The following LPCAT1 variants were observed in gnomAD, a reference collection of about 807,000 sequenced individuals.
LPCAT1 encodes the protein 1-acylglycerol-3-phosphate O-acyltransferase.
Under a neutral mutation model 60.9 loss-of-function variants are expected in LPCAT1, and 23 were observed. The observed-to-expected ratio is 0.38, with a 90% CI of 0.27 to 0.53. The LOEUF is 0.53. LPCAT1 is among the 20% of genes least tolerant of loss of function. The probability of loss-of-function intolerance (pLI) is 0.82; values close to 1 mark genes in which losing one functional copy is unlikely to be tolerated. For synonymous variants in LPCAT1, 340 were observed against 301.1 expected, an observed-to-expected ratio of 1.13 and a Z score of -1.34; for missense variants, 622 against 723.6, an observed-to-expected ratio of 0.86 and a Z score of 1.61.
At chr5:1,489,668 G>T in intron 4 of LPCAT1, 78 bp downstream of exon 4, 1 of 1,088,172 alleles carries the variant, frequency 9.2e-7, no homozygotes, top group Non-Finnish European at 1.4e-6. Flanking sequence ...AAGGGCCCCA[G>T]TTTCTTTCTC....
chr5:1,506,650 G>A (rs1320506645), intron 1 of LPCAT1, among the ~76,000 whole-genome samples: 1 of 152,240 alleles, frequency 6.6e-6, no homozygotes, highest in Admixed American at 6.5e-5. Context: ...GTGCTGGGTA[G>A]GCAAAGAAAT....
intron 13 of LPCAT1, among the ~76,000 whole-genome samples, chr5:1,465,394 G>A (rs1008618283): frequency 7.8e-5 from 11 of 141,646 alleles, no homozygotes; most frequent in Non-Finnish European, 1.4e-4. Context: ...ACACACATGC[G>A]CATGCACACA....
In LPCAT1 at chr5:1,521,463, T is replaced by C. The variant is rs1736675171; in HGVS notation, c.135+2247A>G. The C allele has an allele frequency of 1.0e-6, 1 of 985,284 alleles. No individual in the cohort carries two copies. The highest frequency in any genetic ancestry group is 1.2e-6 in the Non-Finnish European group (1 of 829,878). 61.0% of individuals were successfully genotyped at this position (985,284 alleles called of 1,614,324 possible). On this transcript the variant is annotated intron_variant, in intron 1 of 13. Coordinates refer to ENST00000283415, the MANE Select transcript of LPCAT1 (RefSeq NM_024830.5). This position sits in a 1 kb window ranked among gnomAD's most constrained non-coding sequence, Gnocchi z 4.3. ...GGCTTTCTTGGCTTGAAAGACAGGCTATTTCACTCTGTGGAAACTTTACAA... is the reference window on the plus strand; with the variant it reads ...GGCTTTCTTGGCTTGAAAGACAGGCCATTTCACTCTGTGGAAACTTTACAA...
Position 1,483,438 on chromosome 5 carries a change from G to C in LPCAT1, c.716C>G (p.Pro239Arg). ...AAAAACACAACTCACCAGTTTATTT[G>C]GATATCGTAAAACCACAGGCTGGAC... ...APVQPVVLRY[P>R]NKLDTITWTW... Residue 239 changes from proline to arginine, a missense_variant, in exon 6 of 14, where the codon CCA (proline) becomes CGA (arginine). Pro to Arg is a moderately radical substitution (Grantham distance 103). Around this residue, in one of 3 missense-constraint regions of LPCAT1, gnomAD observed 209 missense variants for 325.5 expected, o/e 0.64. Transcript: ENST00000283415. The surrounding 1 kb of genome is among the most constrained non-coding windows in gnomAD (Gnocchi z 9.2). 1 of 1,613,770 alleles carries C rather than the reference G, an allele frequency of 6.2e-7. No homozygotes were observed. Among genetic ancestry groups the C allele is most frequent in the African/African-American group, 1.3e-5 (1 of 75,038 alleles).
chr5:1,490,438 G>T (rs527990812), intron 3 of LPCAT1, among the ~76,000 whole-genome samples: 3 of 152,358 alleles, frequency 2.0e-5, no homozygotes, highest in African/African-American at 4.8e-5. Flanking sequence ...AGACGAAGAG[G>T]GGGAGAGAAG....
At chr5:1,478,233 G>A (rs777406613) in intron 8 of LPCAT1, among the ~76,000 whole-genome samples, 6 of 152,246 alleles carry the variant, frequency 3.9e-5, no homozygotes, top group African/African-American at 7.2e-5. Context: ...ATTGCACACC[G>A]TGCAGGAAAG....
intron 3 of LPCAT1, among the ~76,000 whole-genome samples, chr5:1,490,372 G>C (rs974312982): frequency 6.6e-6 from 1 of 152,188 alleles, no homozygotes; most frequent in Non-Finnish European, 1.5e-5. Context: ...ATGGGAAGAG[G>C]AGACAAAGCA....
At position 1,461,917 on chromosome 5, in the gene LPCAT1, C is replaced by T. The variant is rs1056905715; in HGVS notation, c.*1734G>A. 6.6e-6 allele frequency: 1 copy of T among 152,588 alleles called. No individual in the cohort carries two copies. The highest frequency in any genetic ancestry group is 2.4e-5 in the African/African-American group (1 of 41,444). The allele number at this position is 152,588 out of a possible 1,614,324, so 9.5% of individuals were successfully genotyped here. ...CATTCTCCAATTATAAAATCAGTGACTGTTAGCTACCAAAGGCTGCACTAG... is the reference window on the plus strand; with the variant it reads ...CATTCTCCAATTATAAAATCAGTGATTGTTAGCTACCAAAGGCTGCACTAG... On this transcript the variant is annotated 3_prime_UTR_variant, in exon 14 of 14. Transcript: ENST00000283415.
chr5:1,510,415 G>A (rs935032913), intron 1 of LPCAT1, among the ~76,000 whole-genome samples: 6 of 152,158 alleles, frequency 3.9e-5, no homozygotes, highest in Admixed American at 1.3e-4. Context: ...TCACCTACCC[G>A]AGGCTCTTGC....
rs541370207 is a variant in LPCAT1, at chr5:1,500,913, C to T, written c.278+548G>A. Among the ~76,000 whole-genome samples the T allele has an allele frequency of 8.5e-5, 13 of 152,384 alleles. No individual in the cohort carries two copies. In the East Asian group the frequency reaches 2.5e-3, roughly 29 times the overall value. On this transcript the variant is annotated intron_variant, in intron 2 of 13. Transcript: ENST00000283415. The stretch of plus-strand genomic sequence containing the variant: ...CCCGCACCAGGTCCAGCTGCCTCTG[C>T]ATGGGGGCCACTGAGGCAGGGACCT...
At chr5:1,498,718 ACATC>A (rs1458461503) in intron 2 of LPCAT1, among the ~76,000 whole-genome samples, 1 of 152,160 alleles carries the variant, frequency 6.6e-6, no homozygotes, top group Non-Finnish European at 1.5e-5. Flanking sequence ...CACGATACAG[ACATC>A]CATCCACACA....
chr5:1,499,085 A>G (rs533925614), intron 2 of LPCAT1, among the ~76,000 whole-genome samples: 1 of 152,368 alleles, frequency 6.6e-6, no homozygotes, highest in South Asian at 2.1e-4. Context: ...TGTACATATG[A>G]AAGCGTCTCT....
chr5:1,479,314 C>G (rs928801567), intron 8 of LPCAT1, among the ~76,000 whole-genome samples: 1 of 152,138 alleles, frequency 6.6e-6, no homozygotes, highest in African/African-American at 2.4e-5. Context: ...CCCAGGAGGT[C>G]GAGGCTGCAG....
Position 1,523,627 on chromosome 5 carries a change from G to C in LPCAT1, c.135+83C>G. ...CGCCGCGCCCCAGGCCCCCTCCCCG[G>C]CCCCTCCTCGGCCGCGCCTCCCTGG... On this transcript the variant is annotated intron_variant, in intron 1 of 13. Transcript: ENST00000283415. The surrounding 1 kb of genome is among the most constrained non-coding windows in gnomAD (Gnocchi z 7.1). 1 of 959,190 alleles carries C rather than the reference G, an allele frequency of 1.0e-6. No individual in the cohort carries two copies. The highest frequency in any genetic ancestry group is 1.8e-5 in the African/African-American group (1 of 56,430). The allele number at this position is 959,190 out of a possible 1,614,324, so 59.4% of individuals were successfully genotyped here. A position where few individuals can be genotyped will look rare whatever the true frequency, so the allele number is the denominator to read the frequency against.
Position 1,483,737 on chromosome 5 carries a change from C to T in LPCAT1, c.668-251G>A, listed in dbSNP as rs971657296. Among the ~76,000 whole-genome samples, 30 of 151,550 alleles carry T rather than the reference C, an allele frequency of 2.0e-4. No homozygotes were observed. Among genetic ancestry groups the T allele is most frequent in the Admixed American group, 3.3e-4 (5 of 15,180 alleles). Reference sequence around the variant, plus strand: ...AGGAACACTTTCTGTTTTAACATCGCGCACGAGCTGGAAGGCGTCTGTGGA... The same window carrying T: ...AGGAACACTTTCTGTTTTAACATCGTGCACGAGCTGGAAGGCGTCTGTGGA... On this transcript the variant is annotated intron_variant, in intron 5 of 13. Transcript: ENST00000283415. This position sits in a 1 kb window ranked among gnomAD's most constrained non-coding sequence, Gnocchi z 9.2.
intron 1 of LPCAT1, among the ~76,000 whole-genome samples, chr5:1,503,969 A>G (rs1736106246): frequency 6.6e-6 from 1 of 152,108 alleles, no homozygotes; most frequent in South Asian, 2.1e-4. Flanking sequence ...ATATTTTTCT[A>G]TTTTATCAGT....
chr5:1,511,986 T>C (rs112943718), intron 1 of LPCAT1, among the ~76,000 whole-genome samples: 78 of 152,256 alleles, frequency 5.1e-4, no homozygotes, highest in African/African-American at 1.8e-3. Context: ...CACTTCCCGG[T>C]CTCAGCGGGT....
At chr5:1,503,079 C>A (rs374545920) in intron 1 of LPCAT1, among the ~76,000 whole-genome samples, 10 of 152,190 alleles carry the variant, frequency 6.6e-5, no homozygotes, top group African/African-American at 2.4e-4. Context: ...TGTGTCTCCA[C>A]CCTGTCAGTG....
In LPCAT1 at chr5:1,463,762, G is replaced by A. The variant is rs758011089; in HGVS notation, c.1494C>T (p.Phe498=). The part of the protein sequence containing the change: ...EEYLYPDQTH[F]ESCAETSPAP... Reference sequence around the variant, plus strand: ...CAGGTGAGGTCTCTGCACAGCTTTCGAAATGTGTCTGATCCGGGTACAGGT... The same window carrying A: ...CAGGTGAGGTCTCTGCACAGCTTTCAAAATGTGTCTGATCCGGGTACAGGT... The change falls in exon 14 of 14, where the codon TTC becomes TTT. Residue 498 remains phenylalanine (F), a synonymous_variant. Transcript: ENST00000283415. The A allele has an allele frequency of 1.2e-6, 2 of 1,614,276 alleles. No individual in the cohort carries two copies. Among genetic ancestry groups the A allele is most frequent in the Non-Finnish European group, 8.5e-7 (1 of 1,180,048 alleles).
Sources: gnomAD v4.1 joint callset for allele counts (sites outside exome capture counted in the v4.1 genomes callset) on GRCh38, gnomAD v4.1.1 for gene constraint, gnomAD v4.1.1 regional missense constraint, Gnocchi (gnomAD v3.1) non-coding constraint, MANE v1.5 for transcripts, NCBI Gene and HGNC (gene_info 2026-07-23, HGNC 2026-07-21) for gene names.